The following BHMT2 variants were observed in gnomAD, a reference collection of about 807,000 sequenced individuals.
BHMT2 encodes the protein S-methylmethionine--homocysteine S-methyltransferase BHMT2.
Under a neutral mutation model 39.0 loss-of-function variants are expected in BHMT2, and 28 were observed. The ratio of observed to expected loss-of-function variants is 0.72; its 90% confidence interval spans 0.53 to 0.98. BHMT2 has a LOEUF of 0.98. BHMT2 is among the 50% of genes least tolerant of loss of function. The pLI is 0.00. For missense variants in BHMT2, 410 were observed against 455.6 expected (o/e 0.90, Z 0.91); for synonymous variants, 145 against 160.6 (o/e 0.90, Z 0.74).
At chr5:79,077,785 A>C in intron 2 of BHMT2, 173 bp downstream of exon 2, 3 of 693,754 alleles carry the variant, frequency 4.3e-6, no homozygotes, top group Non-Finnish European at 4.5e-6. Flanking sequence ...GAAGAAAATG[A>C]CCTCTCTCTC....
At chr5:79,070,055 T>C (rs549802601) in intron 1 of BHMT2, among the ~76,000 whole-genome samples, 136 of 152,204 alleles carry the variant, frequency 8.9e-4, no homozygotes, top group Admixed American at 1.9e-3. Flanking sequence ...TTCACAATTA[T>C]CCCCATTTCA....
intron 1 of BHMT2, among the ~76,000 whole-genome samples, chr5:79,070,640 A>T (rs1054171060): frequency 1.3e-5 from 2 of 152,200 alleles, no homozygotes; most frequent in African/African-American, 2.4e-5. Flanking sequence ...TTATGCGTGG[A>T]AATGTGCACC....
At chr5:79,077,681 C>A in intron 2 of BHMT2, 69 bp downstream of exon 2, 4 of 1,526,358 alleles carry the variant, frequency 2.6e-6, no homozygotes, top group Admixed American at 2.0e-5. Flanking sequence ...GAGAGAAGAT[C>A]AAGAAAAAAA....
intron 4 of BHMT2, among the ~76,000 whole-genome samples, chr5:79,081,096 C>T (rs544777738): frequency 6.6e-6 from 1 of 152,310 alleles, no homozygotes; most frequent in East Asian, 1.9e-4. Flanking sequence ...GAGGCCTGAC[C>T]ATAGCCTTTT....
chr5:79,077,096 C>T (rs189502747), intron 1 of BHMT2, among the ~76,000 whole-genome samples: 16 of 152,288 alleles, frequency 1.1e-4, no homozygotes, highest in Non-Finnish European at 2.1e-4. Context: ...GGCAAAGGAA[C>T]CTGGGAATTT....
intron 3 of BHMT2, among the ~76,000 whole-genome samples, chr5:79,079,946 G>A (rs182446598): frequency 2.2e-3 from 330 of 152,296 alleles, no homozygotes; most frequent in Non-Finnish European, 3.7e-3. Flanking sequence ...TTCCCATTTA[G>A]GTAGAGGAGG....
rs114417621 is a variant in BHMT2, at chr5:79,076,636, G to T, written c.34-844G>T. On this transcript the variant is annotated intron_variant, in intron 1 of 7. Coordinates refer to ENST00000255192, the MANE Select transcript of BHMT2 (RefSeq NM_017614.5). ...TACTTACTTAGCTCTGTGATCTTGG[G>T]CAAGTCAACCATTCTGAGCCTCAGT... 6.0e-3 allele frequency among the ~76,000 whole-genome samples: 917 copies of T among 152,242 alleles called. 10 individuals carry two copies. The highest frequency in any genetic ancestry group is 0.021 in the African/African-American group (874 of 41,532).
At chr5:79,077,428 GAA>G (rs11414970) in intron 1 of BHMT2, 50 bp from the exon 2 acceptor site, 1,372 of 1,345,120 alleles carry the variant, frequency 1.0e-3, no homozygotes, top group South Asian at 2.7e-3. Context: ...ATGCTTTTAG[GAA>G]AAAAAAAAAA....
intron 1 of BHMT2, 39 bp from the exon 2 acceptor site, chr5:79,077,441 A>G (rs1561239837): frequency 1.9e-6 from 3 of 1,561,930 alleles, no homozygotes; most frequent in South Asian, 2.4e-5. Flanking sequence ...AAAAAAAAAA[A>G]GTAGAGCGGA....
At chr5:79,084,161 A>T (rs1242047519) in intron 7 of BHMT2, among the ~76,000 whole-genome samples, 1 of 152,176 alleles carries the variant, frequency 6.6e-6, no homozygotes, top group Admixed American at 6.5e-5. Context: ...TAGAGATGAT[A>T]AAGGCCATCT....
chr5:79,070,555 T>C (rs1755545030), intron 1 of BHMT2, among the ~76,000 whole-genome samples: 1 of 151,914 alleles, frequency 6.6e-6, no homozygotes, highest in East Asian at 1.9e-4. Flanking sequence ...ACGAAAGACA[T>C]CCCCAGGACC....
chr5:79,079,881 C>A lies in BHMT2; in HGVS notation c.258+421C>A, dbSNP rs116233165. 6.3e-3 allele frequency among the ~76,000 whole-genome samples: 957 copies of A among 152,210 alleles called. 10 individuals are homozygous for A. The highest frequency in any genetic ancestry group is 0.022 in the African/African-American group (908 of 41,540). On this transcript the variant is annotated intron_variant, in intron 3 of 7. Coordinates refer to ENST00000255192, the MANE Select transcript of BHMT2 (RefSeq NM_017614.5). ...CTCCAGCCTGGGTGACAGAGCAAGA[C>A]CCCATGTCAGCAAAAAAAAAGAAGT...
chr5:79,074,490 A>G (rs2112694326), intron 1 of BHMT2, among the ~76,000 whole-genome samples: 1 of 152,336 alleles, frequency 6.6e-6, no homozygotes, highest in South Asian at 2.1e-4. Flanking sequence ...AGATCAAATT[A>G]GCTTCCCTCT....
At chr5:79,081,958 G>T (rs547642371) in intron 4 of BHMT2, among the ~76,000 whole-genome samples, 1 of 152,240 alleles carries the variant, frequency 6.6e-6, no homozygotes, top group East Asian at 1.9e-4. Flanking sequence ...GCCCACGCCT[G>T]GCCAACCCCA....
intron 5 of BHMT2, 69 bp from the exon 6 acceptor site, chr5:79,083,123 C>G (rs61306964): frequency 2.6e-5 from 41 of 1,588,896 alleles, no homozygotes; most frequent in South Asian, 2.0e-4. Context: ...CTCTAAGGTA[C>G]CTTCCAACTA....
intron 7 of BHMT2, among the ~76,000 whole-genome samples, chr5:79,086,226 A>C (rs1309530611): frequency 6.6e-6 from 1 of 152,106 alleles, no homozygotes; most frequent in Non-Finnish European, 1.5e-5. Context: ...TCTCACTCTC[A>C]TTAGGCTCAA....
intron 3 of BHMT2, 31 bp from the exon 4 acceptor site, chr5:79,080,656 C>A: frequency 6.5e-7 from 1 of 1,546,490 alleles, no homozygotes; most frequent in Non-Finnish European, 8.7e-7. Context: ...CTGCTAGGCT[C>A]ACTATCTGAA....
intron 1 of BHMT2, among the ~76,000 whole-genome samples, chr5:79,070,718 T>A (rs906889952): frequency 2.6e-5 from 4 of 152,174 alleles, no homozygotes; most frequent in Non-Finnish European, 4.4e-5. Flanking sequence ...TCTAAATAAA[T>A]TAAGGTTCAT....
At chr5:79,081,424 G>T (rs1755786844) in intron 4 of BHMT2, among the ~76,000 whole-genome samples, 2 of 152,182 alleles carry the variant, frequency 1.3e-5, no homozygotes, top group South Asian at 4.1e-4. Flanking sequence ...GAATCAGTAA[G>T]AATTGGTCAT....
Sources: allele counts gnomAD v4.1 joint callset (sites outside exome capture counted in the v4.1 genomes callset), GRCh38; gene constraint gnomAD v4.1.1; transcripts MANE v1.5; gene names NCBI Gene and HGNC (gene_info 2026-07-23, HGNC 2026-07-21).